The following TTBK2 variants were observed in gnomAD, a reference collection of about 807,000 sequenced individuals.
TTBK2 encodes the protein tau-tubulin kinase 2.
A neutral mutation model predicts 110.8 loss-of-function variants in TTBK2; 28 were observed. The observed-to-expected ratio is 0.25, with a 90% CI of 0.19 to 0.35. The LOEUF (loss-of-function observed/expected upper bound fraction) is 0.35, where lower values mean the gene tolerates loss of function less well. Among genes scored for constraint, TTBK2 ranks in the 10% least tolerant of loss-of-function variants. The pLI is 1.00. For synonymous variants in TTBK2, 532 were observed against 527.3 expected, an observed-to-expected ratio of 1.01 and a Z score of -0.12; for missense variants, 1,369 against 1,500.3, an observed-to-expected ratio of 0.91 and a Z score of 1.45.
chr15:42,741,398 C>T lies in TTBK2; in HGVS notation c.*4397G>A, dbSNP rs913875040. On this transcript the variant is annotated 3_prime_UTR_variant, in exon 15 of 15. Coordinates refer to ENST00000267890, the MANE Select transcript of TTBK2 (RefSeq NM_173500.4). ...TAAGGACTACCATAGAAGTTACATG[C>T]CTTAATCCTGTAATACTTTTGTGTG... 4 of 152,208 alleles carry T rather than the reference C, an allele frequency of 2.6e-5. No homozygotes were observed. Among genetic ancestry groups the T allele is most frequent in the Non-Finnish European group, 5.9e-5 (4 of 68,050 alleles). 9.4% of individuals were successfully genotyped at this position (152,208 alleles called of 1,614,324 possible). A position where few individuals can be genotyped will look rare whatever the true frequency, so the allele number is the denominator to read the frequency against.
At chr15:42,853,929 TA>T (rs146376053) in intron 3 of TTBK2, among the ~76,000 whole-genome samples, 5,759 of 151,638 alleles carry the variant, frequency 0.038, 345 homozygotes, top group African/African-American at 0.13. Flanking sequence ...ATCTACAGAA[TA>T]TTTTTTTTTT....
intron 7 of TTBK2, among the ~76,000 whole-genome samples, chr15:42,813,238 T>C (rs772401592): frequency 9.2e-5 from 14 of 152,040 alleles, no homozygotes; most frequent in South Asian, 2.1e-4. Context: ...AAAGGACAAA[T>C]TGGCTAGGCA....
chr15:42,893,071 A>G (rs1197669034), intron 1 of TTBK2, among the ~76,000 whole-genome samples: 1 of 152,154 alleles, frequency 6.6e-6, no homozygotes, highest in African/African-American at 2.4e-5. Flanking sequence ...TGCCTGTTCC[A>G]AATAAGCCAT....
rs1213566835 is a variant in TTBK2, at chr15:42,909,509, C to T, written c.-68+10929G>A. On this transcript the variant is annotated intron_variant, in intron 1 of 14. Coordinates refer to ENST00000267890, the MANE Select transcript of TTBK2 (RefSeq NM_173500.4). ...AAGGAAAATCCTCCTCTCGCAAGAGCCTTAATTTAATCATATATGCAAAGT... is the reference window on the plus strand; with the variant it reads ...AAGGAAAATCCTCCTCTCGCAAGAGTCTTAATTTAATCATATATGCAAAGT... Among the ~76,000 whole-genome samples the T allele has an allele frequency of 5.9e-5, 9 of 152,282 alleles. No homozygotes were observed. In the East Asian group the frequency reaches 1.5e-3, roughly 26 times the overall value.
chr15:42,854,056 C>A (rs541348786), intron 3 of TTBK2, among the ~76,000 whole-genome samples: 4 of 152,106 alleles, frequency 2.6e-5, no homozygotes, highest in African/African-American at 9.6e-5. Context: ...CTACCTTAGC[C>A]TCTCAAGTAG....
At chr15:42,898,521 A>G (rs750333861) in intron 1 of TTBK2, among the ~76,000 whole-genome samples, 2 of 152,162 alleles carry the variant, frequency 1.3e-5, no homozygotes, top group East Asian at 1.9e-4. Context: ...AAAAAGAAAA[A>G]AAAAAAGAAA....
At chr15:42,788,110 C>A (rs1308069044) in intron 10 of TTBK2, among the ~76,000 whole-genome samples, 1 of 151,884 alleles carries the variant, frequency 6.6e-6, no homozygotes, top group African/African-American at 2.4e-5. Context: ...CTTATAGGAC[C>A]ACTGTCATAT....
intron 3 of TTBK2, among the ~76,000 whole-genome samples, chr15:42,846,769 G>C (rs1010811195): frequency 1.3e-5 from 2 of 152,192 alleles, no homozygotes; most frequent in Admixed American, 6.5e-5. Context: ...AAAGTGCTTA[G>C]AGGAGAGGAT....
At position 42,745,124 on chromosome 15, in the gene TTBK2, G is replaced by A. The variant is rs1442138052; in HGVS notation, c.*671C>T. 1 of 152,638 alleles carries A rather than the reference G, an allele frequency of 6.6e-6. No homozygotes were observed. The highest frequency in any genetic ancestry group is 1.5e-5 in the Non-Finnish European group (1 of 67,854). The allele number at this position is 152,638 out of a possible 1,614,324, so 9.5% of individuals were successfully genotyped here. A position where few individuals can be genotyped will look rare whatever the true frequency, so the allele number is the denominator to read the frequency against. On this transcript the variant is annotated 3_prime_UTR_variant, in exon 15 of 15. Coordinates refer to ENST00000267890, the MANE Select transcript of TTBK2 (RefSeq NM_173500.4). ...TGCTCTAAAAAAAAAAAATCAGGGG[G>A]ACCTAAAAAAAAGTAATTGGATTTG...
chr15:42,793,435 A>T (rs1173402626), intron 10 of TTBK2, among the ~76,000 whole-genome samples: 1 of 152,174 alleles, frequency 6.6e-6, no homozygotes, highest in Non-Finnish European at 1.5e-5. Context: ...TGTAGTCCAG[A>T]GAGGCTGAGG....
chr15:42,763,147 T>TATATACAC (rs1889127505), intron 13 of TTBK2, among the ~76,000 whole-genome samples: 2 of 74,636 alleles, frequency 2.7e-5, no homozygotes, highest in South Asian at 4.8e-4. Context: ...TACATACATA[T>TATATACAC]ATATATATAC....
chr15:42,750,235 A>C (rs2140577450), intron 14 of TTBK2, among the ~76,000 whole-genome samples: 1 of 152,324 alleles, frequency 6.6e-6, no homozygotes, highest in Non-Finnish European at 1.5e-5. Context: ...AGGATGGTCC[A>C]TTCCAAGGAG....
chr15:42,830,174 C>A, intron 4 of TTBK2, 96 bp from the exon 5 acceptor site: 12 of 1,477,808 alleles, frequency 8.1e-6, no homozygotes, highest in South Asian at 3.8e-5. Context: ...AAGATGTTTT[C>A]AGCAAAATAG....
intron 13 of TTBK2, among the ~76,000 whole-genome samples, chr15:42,764,331 T>A (rs1442759056): frequency 1.3e-5 from 2 of 152,084 alleles, no homozygotes. Flanking sequence ...CATAGGGGGT[T>A]GGGGGATTTC....
chr15:42,795,680 T>C (rs551731991), intron 9 of TTBK2, among the ~76,000 whole-genome samples: 1 of 151,844 alleles, frequency 6.6e-6, no homozygotes, highest in Non-Finnish European at 1.5e-5. Flanking sequence ...CTGTCTCTAT[T>C]AAAAATACAA....
intron 9 of TTBK2, among the ~76,000 whole-genome samples, chr15:42,797,647 A>G (rs1277957341): frequency 6.6e-6 from 1 of 152,214 alleles, no homozygotes; most frequent in Non-Finnish European, 1.5e-5. Flanking sequence ...TCAGGGACTT[A>G]CTTTTTTTGG....
intron 3 of TTBK2, among the ~76,000 whole-genome samples, chr15:42,848,117 A>G (rs567269408): frequency 6.6e-6 from 1 of 152,356 alleles, no homozygotes; most frequent in South Asian, 2.1e-4. Flanking sequence ...GAAGACATGT[A>G]TACATGATGG....
intron 3 of TTBK2, among the ~76,000 whole-genome samples, chr15:42,861,914 A>T (rs1894172886): frequency 6.6e-6 from 1 of 152,154 alleles, no homozygotes; most frequent in Non-Finnish European, 1.5e-5. Flanking sequence ...ATGATAACTG[A>T]TCCCACGGAA....
chr15:42,775,167 T>A lies in TTBK2; in HGVS notation c.1966A>T (p.Met656Leu), dbSNP rs765206810. The A allele has an allele frequency of 5.6e-6, 9 of 1,613,994 alleles. No individual in the cohort carries two copies. The highest frequency in any genetic ancestry group is 7.6e-6 in the Non-Finnish European group (9 of 1,180,024). The change falls in exon 13 of 15, where the codon ATG becomes TTG. Residue 656 changes from methionine (M) to leucine (L), a missense_variant. Physicochemically the swap from Met to Leu is conservative, Grantham distance 15. Coordinates refer to ENST00000267890, the MANE Select transcript of TTBK2 (RefSeq NM_173500.4). ...AGGGGTCCTTCTGCCTGCGCCTCCA[T>A]TAGACTTGTGGGCGTCGCTGCAATA... ...QFIAATPTSL[M>L]EAQAEGPLTA...
Sources: allele counts gnomAD v4.1 joint callset (sites outside exome capture counted in the v4.1 genomes callset), GRCh38; gene constraint gnomAD v4.1.1; transcripts MANE v1.5; gene names NCBI Gene and HGNC (gene_info 2026-07-23, HGNC 2026-07-21).